ASXL2: variants seen among roughly 807,000 people sequenced by gnomAD.
ASXL2 encodes putative Polycomb group protein ASXL2.
Under a neutral mutation model 122.0 loss-of-function variants are expected in ASXL2, and 23 were observed. The ratio of observed to expected loss-of-function variants is 0.19; its 90% CI spans 0.14 to 0.27. ASXL2 has a LOEUF of 0.27. Among genes scored for constraint, ASXL2 ranks in the 10% least tolerant of loss-of-function variants. The pLI, the probability that ASXL2 is intolerant of heterozygous loss-of-function variation, is 1.00. For synonymous variants in ASXL2, 650 were observed against 637.0 expected, an observed-to-expected ratio of 1.02 and a Z score of -0.31; for missense variants, 1,518 against 1,713.8, an observed-to-expected ratio of 0.89 and a Z score of 2.02.
chr2:25,844,444 G>C (rs1166916373), intron 2 of ASXL2, among the ~76,000 whole-genome samples: 2 of 151,948 alleles, frequency 1.3e-5, no homozygotes, highest in Non-Finnish European at 2.9e-5. Context: ...AGGCATGGTG[G>C]TGCGTGTCTG....
chr2:25,765,363 G>A (rs1398264113), intron 8 of ASXL2, among the ~76,000 whole-genome samples: 1 of 152,014 alleles, frequency 6.6e-6, no homozygotes, highest in African/African-American at 2.4e-5. Flanking sequence ...GCGGGCACCT[G>A]TCGTCCCAGC....
intron 6 of ASXL2, among the ~76,000 whole-genome samples, chr2:25,770,482 C>T (rs1328263636): frequency 2.0e-5 from 3 of 152,180 alleles, no homozygotes; most frequent in South Asian, 2.1e-4. Flanking sequence ...AGGCCAGGTG[C>T]GGTGGCTCAC....
At chr2:25,799,237 T>C in intron 5 of ASXL2, 148 bp downstream of exon 5, 2 of 1,030,564 alleles carry the variant, frequency 1.9e-6, no homozygotes, top group Non-Finnish European at 2.9e-6. Flanking sequence ...AACATCTCCA[T>C]CATTGCAGAA....
chr2:25,838,850 G>C (rs143028071), intron 2 of ASXL2, among the ~76,000 whole-genome samples: 2 of 152,244 alleles, frequency 1.3e-5, no homozygotes, highest in Non-Finnish European at 2.9e-5. Context: ...CCGTCAAAAT[G>C]TACACAAAAA....
intron 3 of ASXL2, among the ~76,000 whole-genome samples, chr2:25,829,295 C>T (rs1330328323): frequency 6.6e-6 from 1 of 151,808 alleles, no homozygotes; most frequent in Non-Finnish European, 1.5e-5. Context: ...CACATACACA[C>T]ACACACACAC....
intron 2 of ASXL2, among the ~76,000 whole-genome samples, chr2:25,844,301 C>A (rs1357809263): frequency 6.6e-6 from 1 of 152,100 alleles, no homozygotes; most frequent in Admixed American, 6.6e-5. Context: ...TGACTATTGG[C>A]CAGGCATGGT....
At chr2:25,758,212 A>G (rs2088174371) in intron 9 of ASXL2, among the ~76,000 whole-genome samples, 1 of 152,244 alleles carries the variant, frequency 6.6e-6, no homozygotes, top group Non-Finnish European at 1.5e-5. Context: ...AGTCTAGTAG[A>G]AAGATTATTT....
chr2:25,774,617 G>A (rs921907526), intron 5 of ASXL2, among the ~76,000 whole-genome samples: 6 of 152,168 alleles, frequency 3.9e-5, no homozygotes, highest in Non-Finnish European at 7.4e-5. Flanking sequence ...CACTGCTTAT[G>A]TACATGTGAG....
chr2:25,785,703 C>T (rs894659949), intron 5 of ASXL2, among the ~76,000 whole-genome samples: 2 of 151,666 alleles, frequency 1.3e-5, no homozygotes, highest in Admixed American at 6.6e-5. Flanking sequence ...CCCACCACCA[C>T]GCCTGGCTCA....
At chr2:25,834,330 G>A (rs1050305596) in intron 3 of ASXL2, among the ~76,000 whole-genome samples, 2 of 152,068 alleles carry the variant, frequency 1.3e-5, no homozygotes, top group Non-Finnish European at 2.9e-5. Context: ...TCCAGCTTGG[G>A]TGACAGAGTG....
At chr2:25,824,875 G>A (rs775404725) in intron 3 of ASXL2, among the ~76,000 whole-genome samples, 48 of 152,020 alleles carry the variant, frequency 3.2e-4, no homozygotes, top group Non-Finnish European at 5.9e-4. Flanking sequence ...TCTTTCTGGG[G>A]CTCAAAGACA....
In ASXL2 at chr2:25,878,217, C is replaced by A; in HGVS notation, c.6G>T (p.Arg2Ser). The A allele has an allele frequency of 4.3e-6, 7 of 1,613,934 alleles. No homozygotes were observed. Among genetic ancestry groups the A allele is most frequent in the Non-Finnish European group, 5.9e-6 (7 of 1,179,854 alleles). Residue 2 changes from arginine (R) to serine (S), a missense_variant, in exon 1 of 13, where the codon AGG becomes AGT. By Grantham distance (110) the Arg-to-Ser change is moderately radical (BLOSUM62 -1). Around this residue, in one of 8 missense-constraint regions of ASXL2, gnomAD observed 28 missense variants for 42.2 expected, o/e 0.66. Coordinates refer to ENST00000435504, the MANE Select transcript of ASXL2 (RefSeq NM_018263.6). M[R>S]EKGRRKKGRT... ...TGCCCTTCTTCCTACGTCCCTTTTC[C>A]CTCATGTCGGGTCTTGAACTGACTG...
chr2:25,799,265 C>T, intron 5 of ASXL2, 120 bp downstream of exon 5: 2 of 1,347,388 alleles, frequency 1.5e-6, no homozygotes, highest in South Asian at 2.6e-5. Context: ...CTTGACAGGA[C>T]TGTTATAGAG....
rs1383130830 is a variant in ASXL2, at chr2:25,734,619, A to G, written c.*7410T>C. 2 of 152,216 alleles carry G rather than the reference A, an allele frequency of 1.3e-5. No individual in the cohort carries two copies. The highest frequency in any genetic ancestry group is 2.9e-5 in the Non-Finnish European group (2 of 68,030). 9.4% of individuals were successfully genotyped at this position (152,216 alleles called of 1,614,324 possible). Reference sequence around the variant, plus strand: ...TAATGCACTGCTTTCTAATTGGGCTAATTTGAATCCTAAATATTTTGAGAA... The same window carrying G: ...TAATGCACTGCTTTCTAATTGGGCTGATTTGAATCCTAAATATTTTGAGAA... On this transcript the variant is annotated 3_prime_UTR_variant, in exon 13 of 13. Transcript: ENST00000435504.
chr2:25,793,864 C>T (rs2088872833), intron 5 of ASXL2, among the ~76,000 whole-genome samples: 2 of 152,206 alleles, frequency 1.3e-5, no homozygotes, highest in African/African-American at 2.4e-5. Flanking sequence ...CACCTCAACA[C>T]TTTCCTTGCT....
chr2:25,863,844 A>G (rs1246224342), intron 1 of ASXL2, among the ~76,000 whole-genome samples: 1 of 151,716 alleles, frequency 6.6e-6, no homozygotes, highest in Non-Finnish European at 1.5e-5. Flanking sequence ...CATCTCTACT[A>G]AAAGTACAAA....
chr2:25,743,015 G>C lies in ASXL2; in HGVS notation c.3322C>G (p.Leu1108Val), dbSNP rs2149136198. The C allele has an allele frequency of 6.2e-7, 1 of 1,614,044 alleles. No homozygotes were observed. Among genetic ancestry groups the C allele is most frequent in the South Asian group, 1.1e-5 (1 of 91,086 alleles). Residue 1108 changes from leucine (L) to valine (V), a missense_variant, in exon 13 of 13, where the codon CTG becomes GTG. Coordinates refer to ENST00000435504, the MANE Select transcript of ASXL2 (RefSeq NM_018263.6). The part of the protein sequence containing the change: ...EDISTSQRFM[L>V]GFAGRRTSKP... ...GATGTCCTTCTGCCAGCAAAACCCA[G>C]CATGAACCTCTGGCTTGTGGAGATG...
At chr2:25,832,571 C>T (rs950888234) in intron 3 of ASXL2, among the ~76,000 whole-genome samples, 21 of 140,940 alleles carry the variant, frequency 1.5e-4, no homozygotes, top group Admixed American at 1.5e-3. Context: ...CAGCATGGGC[C>T]AAAAAAAAAA....
rs1364704138 is a variant in ASXL2, at chr2:25,741,718, C to A, written c.*311G>T. ...AAGTAGTAGAACATTAATCTGAATTCAAAGTAATACATTATTACCTAAACA... is the reference window on the plus strand; with the variant it reads ...AAGTAGTAGAACATTAATCTGAATTAAAAGTAATACATTATTACCTAAACA... On this transcript the variant is annotated 3_prime_UTR_variant, in exon 13 of 13. Transcript: ENST00000435504. 5 of 316,780 alleles carry A rather than the reference C, an allele frequency of 1.6e-5. No homozygotes were observed. Among genetic ancestry groups the A allele is most frequent in the African/African-American group, 6.2e-5 (3 of 48,302 alleles). 19.6% of individuals were successfully genotyped at this position (316,780 alleles called of 1,614,324 possible).
Sources: gnomAD v4.1 joint callset for allele counts (sites outside exome capture counted in the v4.1 genomes callset) on GRCh38, gnomAD v4.1.1 for gene constraint, gnomAD v4.1.1 regional missense constraint, MANE v1.5 for transcripts, NCBI Gene and HGNC (gene_info 2026-07-23, HGNC 2026-07-21) for gene names.